PRKN: variants seen among roughly 807,000 people sequenced by gnomAD.
PRKN encodes parkin RBR E3 ubiquitin protein ligase.
A neutral mutation model predicts 59.5 loss-of-function variants in PRKN; 56 were observed. The observed-to-expected ratio is 0.94, with a 90% CI of 0.76 to 1.18. The LOEUF (loss-of-function observed/expected upper bound fraction) is 1.18, where lower values mean the gene tolerates loss of function less well. Ranked by LOEUF, PRKN falls within the 50% of genes most tolerant of loss-of-function variation. The pLI is 0.00. For synonymous variants in PRKN, 250 were observed against 222.1 expected (o/e 1.13, Z -1.12); for missense variants, 657 against 596.4 (o/e 1.10, Z -1.06).
chr6:161,973,326 G>A lies in PRKN; in HGVS notation c.710C>T (p.Thr237Ile), dbSNP rs1418016570. Residue 237 changes from threonine (T) to isoleucine (I), a missense_variant, in exon 6 of 12, where the codon ACT becomes ATT. Coordinates refer to ENST00000366898, the MANE Select transcript of PRKN (RefSeq NM_004562.3). ...CCTGACGTCTGTGCACGTAATGCAA[G>A]TGATGTTCCGACTATTTGTTGCGAT... ...HLIATNSRNI[T>I]CITCTDVRSP... The A allele has an allele frequency of 3.7e-6, 6 of 1,612,652 alleles. No homozygotes were observed. The Admixed American group carries it at 5.0e-5, about 13-fold the overall frequency.
intron 1 of PRKN, among the ~76,000 whole-genome samples, chr6:162,467,530 T>C (rs2128176510): frequency 6.6e-6 from 1 of 152,268 alleles, no homozygotes; most frequent in Admixed American, 6.5e-5. Flanking sequence ...CATTGAGCCT[T>C]TGGTTCTATC....
intron 7 of PRKN, among the ~76,000 whole-genome samples, chr6:161,606,125 C>T (rs1782273317): frequency 6.6e-6 from 1 of 152,128 alleles, no homozygotes. Context: ...CTGGGGGAGC[C>T]ATAAAAACAT....
At chr6:162,386,768 T>C (rs191458564) in intron 2 of PRKN, among the ~76,000 whole-genome samples, 33 of 152,222 alleles carry the variant, frequency 2.2e-4, no homozygotes, top group Non-Finnish European at 3.7e-4. Context: ...GAAAGAAAAA[T>C]TGGTAGGTTG....
chr6:161,862,049 C>G (rs1793924667), intron 6 of PRKN, among the ~76,000 whole-genome samples: 1 of 152,278 alleles, frequency 6.6e-6, no homozygotes, highest in East Asian at 1.9e-4. Context: ...GCAATCTTTG[C>G]CTCTGTCTTC....
chr6:162,227,196 G>A (rs1778219896), intron 3 of PRKN, among the ~76,000 whole-genome samples: 1 of 152,132 alleles, frequency 6.6e-6, no homozygotes, highest in South Asian at 2.1e-4. Flanking sequence ...CTGTAATAAA[G>A]TCCAAATTTT....
intron 4 of PRKN, among the ~76,000 whole-genome samples, chr6:162,192,977 A>AC (rs1784347037): frequency 6.6e-6 from 1 of 152,164 alleles, no homozygotes; most frequent in Admixed American, 6.5e-5. Context: ...CGTCTGCAAG[A>AC]CCGACTTCTT....
chr6:162,500,600 T>C (rs1164592141), intron 1 of PRKN, among the ~76,000 whole-genome samples: 2 of 152,290 alleles, frequency 1.3e-5, no homozygotes, highest in East Asian at 3.9e-4. Context: ...ATTTGAACAA[T>C]AGAAGAATGA....
chr6:162,538,837 A>C (rs1778815786), intron 1 of PRKN, among the ~76,000 whole-genome samples: 2 of 152,252 alleles, frequency 1.3e-5, no homozygotes, highest in Non-Finnish European at 2.9e-5. Flanking sequence ...CACATTAAAA[A>C]GACACAGCTG....
chr6:162,347,962 A>C (rs746315088), intron 2 of PRKN, among the ~76,000 whole-genome samples: 15 of 152,212 alleles, frequency 9.9e-5, no homozygotes, highest in Non-Finnish European at 1.8e-4. Flanking sequence ...TGAGGAGATA[A>C]AGCTGAGAGT....
intron 7 of PRKN, among the ~76,000 whole-genome samples, chr6:161,692,899 G>T (rs1350521703): frequency 2.0e-5 from 3 of 146,454 alleles, no homozygotes; most frequent in Non-Finnish European, 4.4e-5. Context: ...AGTGAGCAGA[G>T]ATCATACCAC....
chr6:162,077,999 T>C (rs1232543016), intron 4 of PRKN, among the ~76,000 whole-genome samples: 3 of 53,836 alleles, frequency 5.6e-5, no homozygotes, highest in African/African-American at 2.5e-4. Flanking sequence ...AGACTCTCTC[T>C]CTAAAAAAAA....
chr6:162,352,347 A>G (rs1309144583), intron 2 of PRKN, among the ~76,000 whole-genome samples: 1 of 152,186 alleles, frequency 6.6e-6, no homozygotes, highest in East Asian at 1.9e-4. Context: ...AAACCGCAGG[A>G]CTGCCTTTAC....
In PRKN at chr6:162,294,410, A is replaced by G. The variant is rs1293583590; in HGVS notation, c.172-31645T>C. Among the ~76,000 whole-genome samples the G allele has an allele frequency of 2.6e-5, 4 of 152,208 alleles. No homozygotes were observed. The East Asian group carries it at 5.8e-4, about 22-fold the overall frequency. On this transcript the variant is annotated intron_variant, in intron 2 of 11. Coordinates refer to ENST00000366898, the MANE Select transcript of PRKN (RefSeq NM_004562.3). ...TAATTAAACCTCTTCCTCAATGTCA[A>G]TGTCAGGCAGAGAAGAACCTGTGGC... is the stretch of plus-strand genomic sequence containing the variant.
At chr6:161,351,936 C>T (rs1329560206) in intron 11 of PRKN, among the ~76,000 whole-genome samples, 1 of 152,140 alleles carries the variant, frequency 6.6e-6, no homozygotes, top group Non-Finnish European at 1.5e-5. Flanking sequence ...TGGAATTATT[C>T]ACCTCCCTCA....
rs118100006 is a variant in PRKN at position 162,675,695 on chromosome 6, G to A, written c.7+51967C>T. 1.6e-4 allele frequency among the ~76,000 whole-genome samples: 24 copies of A among 152,290 alleles called. No homozygotes were observed. In the East Asian group the frequency reaches 4.6e-3, roughly 29 times the overall value. On this transcript the variant is annotated intron_variant, in intron 1 of 11. Transcript: ENST00000366898. The stretch of plus-strand genomic sequence containing the variant: ...TGTCTGGATGGGAAGAATAATTTGT[G>A]TAGTCATCAATTCTCTAATTAATCT...
chr6:162,112,223 T>C (rs1780469465), intron 4 of PRKN, among the ~76,000 whole-genome samples: 1 of 152,236 alleles, frequency 6.6e-6, no homozygotes, highest in Non-Finnish European at 1.5e-5. Context: ...AATCCAGCTT[T>C]ATGCTAAATA....
chr6:162,692,807 T>A (rs948793298), intron 1 of PRKN, among the ~76,000 whole-genome samples: 15 of 152,192 alleles, frequency 9.9e-5, no homozygotes, highest in African/African-American at 3.6e-4. Context: ...ACTGTGTGTA[T>A]AATAGCTTTT....
At chr6:162,024,860 C>A (rs1252595082) in intron 5 of PRKN, among the ~76,000 whole-genome samples, 1 of 152,168 alleles carries the variant, frequency 6.6e-6, no homozygotes, top group Admixed American at 6.5e-5. Context: ...CTGTAAGCAT[C>A]TCAAAAATAA....
intron 3 of PRKN, among the ~76,000 whole-genome samples, chr6:162,223,716 T>C (rs970502470): frequency 6.6e-6 from 1 of 151,336 alleles, no homozygotes; most frequent in Non-Finnish European, 1.5e-5. Context: ...CACTACACAT[T>C]TTCCTACCTT....
Sources: allele counts gnomAD v4.1 joint callset (sites outside exome capture counted in the v4.1 genomes callset), GRCh38; gene constraint gnomAD v4.1.1; transcripts MANE v1.5; gene names NCBI Gene and HGNC (gene_info 2026-07-23, HGNC 2026-07-21).